WWOX: variants seen among roughly 807,000 people sequenced by gnomAD.
The protein encoded by WWOX is WW domain containing oxidoreductase.
WWOX carries 69 observed loss-of-function variants against 46.2 expected under a neutral mutation model. The observed-to-expected ratio is 1.49, with a 90% CI of 1.23 to 1.82. WWOX has a LOEUF of 1.82. WWOX is among the 40% of genes most tolerant of loss of function. The pLI is 0.00. For synonymous variants in WWOX, 359 were observed against 202.6 expected (o/e 1.77, Z -6.56); for missense variants, 919 against 542.6 (o/e 1.69, Z -6.89).
At chr16:78,571,562 C>G (rs2044716656) in intron 8 of WWOX, among the ~76,000 whole-genome samples, 1 of 152,166 alleles carries the variant, frequency 6.6e-6, no homozygotes. Flanking sequence ...GATGTTCAAA[C>G]TCATCAGTTA....
intron 6 of WWOX, among the ~76,000 whole-genome samples, chr16:78,412,929 CT>C (rs2082716048): frequency 6.6e-6 from 1 of 152,124 alleles, no homozygotes. Context: ...CAGCCCTTGT[CT>C]TTTTTACCCT....
intron 5 of WWOX, among the ~76,000 whole-genome samples, chr16:78,183,100 A>G (rs1374010851): frequency 6.6e-6 from 1 of 152,096 alleles, no homozygotes; most frequent in Non-Finnish European, 1.5e-5. Flanking sequence ...TATTTAGTCA[A>G]CAAGCATGTT....
intron 8 of WWOX, among the ~76,000 whole-genome samples, chr16:79,189,423 TTGTGTGTG>T (rs4035319): frequency 0.073 from 8,428 of 114,838 alleles, 319 homozygotes; most frequent in Non-Finnish European, 0.087. Flanking sequence ...ACTCCCAGCT[TTGTGTGTG>T]TGTGTGTGTG....
intron 5 of WWOX, among the ~76,000 whole-genome samples, chr16:78,226,855 A>G (rs562041341): frequency 6.6e-6 from 1 of 152,316 alleles, no homozygotes; most frequent in East Asian, 1.9e-4. Flanking sequence ...TAAGGATTTC[A>G]TCCAGATAGA....
intron 8 of WWOX, among the ~76,000 whole-genome samples, chr16:78,645,029 C>A (rs1264380152): frequency 6.6e-6 from 1 of 152,154 alleles, no homozygotes; most frequent in Non-Finnish European, 1.5e-5. Context: ...ATAGTGCTTT[C>A]TTTTCTTCAA....
intron 8 of WWOX, among the ~76,000 whole-genome samples, chr16:79,061,188 C>A (rs867079101): frequency 6.6e-6 from 1 of 152,104 alleles, no homozygotes; most frequent in Non-Finnish European, 1.5e-5. Context: ...TGTGCCAACC[C>A]GAAAGCCTGA....
At chr16:78,783,078 A>C (rs997522869) in intron 8 of WWOX, among the ~76,000 whole-genome samples, 8 of 152,244 alleles carry the variant, frequency 5.3e-5, no homozygotes, top group African/African-American at 1.9e-4. Flanking sequence ...TCAGCAATGC[A>C]CCTATATGCA....
chr16:78,624,552 T>G (rs188490725), intron 8 of WWOX, among the ~76,000 whole-genome samples: 115 of 152,354 alleles, frequency 7.5e-4, no homozygotes, highest in African/African-American at 2.6e-3. Context: ...TTTGGCTGTT[T>G]CTGTATAAAC....
chr16:78,278,485 C>G (rs1177095109), intron 5 of WWOX: 3 of 1,017,786 alleles, frequency 2.9e-6, no homozygotes, highest in Non-Finnish European at 4.3e-6. Flanking sequence ...TTTTATTTAA[C>G]CAGCTTGAAT....
chr16:78,254,247 G>A (rs1395394009), intron 5 of WWOX, among the ~76,000 whole-genome samples: 1 of 151,642 alleles, frequency 6.6e-6, no homozygotes, highest in Non-Finnish European at 1.5e-5. Context: ...GAAACTATTT[G>A]TAGAGATTGG....
At chr16:78,310,592 A>C (rs78547885) in intron 5 of WWOX, among the ~76,000 whole-genome samples, 14,391 of 152,278 alleles carry the variant, frequency 0.095, 844 homozygotes, top group South Asian at 0.31. Context: ...TTCTGCATGC[A>C]AAGGGTGCGG....
intron 8 of WWOX, among the ~76,000 whole-genome samples, chr16:78,532,427 C>G (rs558586777): frequency 4.6e-5 from 7 of 152,192 alleles, no homozygotes; most frequent in Admixed American, 3.9e-4. Flanking sequence ...TGCCTAGGCT[C>G]TCCCCTGAAG....
chr16:78,232,798 A>C (rs574905302), intron 5 of WWOX, among the ~76,000 whole-genome samples: 1 of 152,154 alleles, frequency 6.6e-6, no homozygotes, highest in Non-Finnish European at 1.5e-5. Flanking sequence ...TTATCAAGAA[A>C]TTAAAAAGGA....
chr16:79,057,484 C>A (rs375217173), intron 8 of WWOX, among the ~76,000 whole-genome samples: 1 of 152,182 alleles, frequency 6.6e-6, no homozygotes, highest in African/African-American at 2.4e-5. Context: ...TCTGTAAAGA[C>A]CATTATTATT....
intron 8 of WWOX, among the ~76,000 whole-genome samples, chr16:78,785,263 T>C (rs1004051378): frequency 2.0e-5 from 3 of 152,178 alleles, no homozygotes; most frequent in Non-Finnish European, 4.4e-5. Context: ...CCACCTTCGA[T>C]GGGCAGGTGC....
At chr16:78,927,114 G>A (rs2045516307) in intron 8 of WWOX, among the ~76,000 whole-genome samples, 1 of 152,176 alleles carries the variant, frequency 6.6e-6, no homozygotes. Flanking sequence ...ATTCTTGACT[G>A]CGAGAAAGTC....
intron 8 of WWOX, among the ~76,000 whole-genome samples, chr16:79,136,255 G>A (rs1567574493): frequency 6.6e-6 from 1 of 150,458 alleles, no homozygotes; most frequent in Non-Finnish European, 1.5e-5. Context: ...TTTTTAAGAC[G>A]GAGTCTTGCT....
intron 8 of WWOX, among the ~76,000 whole-genome samples, chr16:79,121,636 C>G (rs1246380395): frequency 6.6e-6 from 1 of 152,074 alleles, no homozygotes; most frequent in African/African-American, 2.4e-5. Flanking sequence ...TCCATGGAGT[C>G]CAAAAGGTGG....
chr16:78,473,957 A>G lies in WWOX; in HGVS notation c.1056+41205A>G, dbSNP rs1331213340. Among the ~76,000 whole-genome samples the G allele has an allele frequency of 2.6e-5, 4 of 152,184 alleles. No homozygotes were observed. The South Asian group carries it at 6.2e-4, about 24-fold the overall frequency. On this transcript the variant is annotated intron_variant, in intron 8 of 8. Coordinates refer to ENST00000566780, the MANE Select transcript of WWOX (RefSeq NM_016373.4). ...CTTTCCCTGTTAATTCCTTGGAGGA[A>G]CTTCTGTTCGAAATGAATAGTCTTG...
Sources: allele counts gnomAD v4.1 joint callset (sites outside exome capture counted in the v4.1 genomes callset), GRCh38; gene constraint gnomAD v4.1.1; transcripts MANE v1.5; gene names NCBI Gene and HGNC (gene_info 2026-07-23, HGNC 2026-07-21).